The following PACSIN2 variants were observed in gnomAD, a reference collection of about 807,000 sequenced individuals.
PACSIN2 encodes protein kinase C and casein kinase substrate in neurons 2, also known as protein kinase C and casein kinase substrate in neurons protein 2.
A neutral mutation model predicts 63.8 loss-of-function variants in PACSIN2; 25 were observed. That is an observed-to-expected ratio of 0.39 (90% CI 0.29 to 0.55). The LOEUF is 0.55. Ranked by LOEUF, PACSIN2 falls within the 20% of genes least tolerant of loss-of-function variation. The pLI is 0.62. For synonymous variants in PACSIN2, 255 were observed against 256.2 expected (o/e 1.00, Z 0.05); for missense variants, 518 against 646.9 (o/e 0.80, Z 2.16).
chr22:42,969,531 A>G (rs925104835), intron 1 of PACSIN2, among the ~76,000 whole-genome samples: 5 of 152,228 alleles, frequency 3.3e-5, no homozygotes, highest in East Asian at 1.9e-4. Flanking sequence ...TCCCACCTCA[A>G]TAACTCTGGC....
At chr22:42,990,802 G>T (rs905838690) in intron 1 of PACSIN2, among the ~76,000 whole-genome samples, 1 of 150,334 alleles carries the variant, frequency 6.7e-6, no homozygotes, top group Middle Eastern at 3.2e-3. Flanking sequence ...AGAACATGAA[G>T]ATGTGGAAGA....
chr22:42,873,053 G>A (rs568268179), intron 10 of PACSIN2, among the ~76,000 whole-genome samples: 1 of 152,158 alleles, frequency 6.6e-6, no homozygotes, highest in Non-Finnish European at 1.5e-5. Context: ...CGCAAGAGAC[G>A]TAAGTCAAGC....
chr22:43,000,380 G>A (rs906521503), intron 1 of PACSIN2, among the ~76,000 whole-genome samples: 7 of 152,174 alleles, frequency 4.6e-5, no homozygotes, highest in African/African-American at 1.7e-4. Flanking sequence ...AACCCCACGA[G>A]TTCCCAATGG....
At chr22:42,896,945 T>C (rs910317324) in intron 2 of PACSIN2, among the ~76,000 whole-genome samples, 22 of 152,242 alleles carry the variant, frequency 1.4e-4, no homozygotes, top group Admixed American at 1.4e-3. Flanking sequence ...TGTTCCTTTT[T>C]TTTCTTTTTG....
At chr22:43,004,193 T>C (rs963253222) in intron 1 of PACSIN2, among the ~76,000 whole-genome samples, 1 of 152,208 alleles carries the variant, frequency 6.6e-6, no homozygotes, top group Non-Finnish European at 1.5e-5. Flanking sequence ...GGTGACCCTC[T>C]GAAGGCCACT....
At chr22:42,990,624 G>A (rs1334714903) in intron 1 of PACSIN2, among the ~76,000 whole-genome samples, 1 of 152,206 alleles carries the variant, frequency 6.6e-6, no homozygotes, top group Non-Finnish European at 1.5e-5. Context: ...ATTTGCAGTA[G>A]ACAAGATTTG....
intron 1 of PACSIN2, among the ~76,000 whole-genome samples, chr22:43,010,361 G>C (rs2146931048): frequency 7.6e-6 from 1 of 132,252 alleles, no homozygotes; most frequent in South Asian, 2.6e-4. Context: ...AAACATGGCG[G>C]AATCCCATCT....
At chr22:42,997,133 G>A (rs1367778093) in intron 1 of PACSIN2, among the ~76,000 whole-genome samples, 1 of 152,214 alleles carries the variant, frequency 6.6e-6, no homozygotes, top group Admixed American at 6.5e-5. Context: ...ACACCAGGCT[G>A]GGGGTGTTTA....
chr22:42,951,648 C>A (rs1010838898), intron 1 of PACSIN2, among the ~76,000 whole-genome samples: 2 of 152,214 alleles, frequency 1.3e-5, no homozygotes, highest in African/African-American at 4.8e-5. Context: ...CCTCTCATGT[C>A]CACATAACAT....
At position 42,891,500 on chromosome 22, in the gene PACSIN2, A is replaced by C. The variant is rs1172139523; in HGVS notation, c.218-318T>G. Among the ~76,000 whole-genome samples, 3 of 152,130 alleles carry C rather than the reference A, an allele frequency of 2.0e-5. No individual in the cohort carries two copies. In the East Asian group the frequency reaches 5.8e-4, roughly 29 times the overall value. On this transcript the variant is annotated intron_variant, in intron 3 of 10. Transcript: ENST00000263246. Reference sequence around the variant, plus strand: ...ACTGCAAACTCTGTCTCCCAGGTTCAAGAGATTCTCCTGCCTCAGCCTCCC... The same window carrying C: ...ACTGCAAACTCTGTCTCCCAGGTTCCAGAGATTCTCCTGCCTCAGCCTCCC...
intron 3 of PACSIN2, among the ~76,000 whole-genome samples, chr22:42,891,626 G>A (rs956613953): frequency 3.3e-5 from 5 of 152,052 alleles, no homozygotes; most frequent in African/African-American, 7.2e-5. Flanking sequence ...GGCTGATCTC[G>A]AACTCCTGAC....
chr22:42,936,917 A>T (rs4822234), intron 1 of PACSIN2, among the ~76,000 whole-genome samples: 2 of 117,128 alleles, frequency 1.7e-5, no homozygotes, highest in Non-Finnish European at 3.5e-5. Context: ...CCTCAAAAAA[A>T]GGGGGGGGGG....
chr22:42,930,144 C>T (rs1214407089), intron 1 of PACSIN2, among the ~76,000 whole-genome samples: 4 of 152,224 alleles, frequency 2.6e-5, no homozygotes, highest in East Asian at 3.8e-4. Flanking sequence ...ATGCACAAAA[C>T]GAGACAGAGG....
chr22:42,883,178 A>T (rs936935365), intron 6 of PACSIN2, among the ~76,000 whole-genome samples: 1 of 152,162 alleles, frequency 6.6e-6, no homozygotes, highest in African/African-American at 2.4e-5. Flanking sequence ...CACATGCAGA[A>T]GAGCCTGACA....
At chr22:43,010,398 A>ATATATATATATATATTTTTTTTTTTT in intron 1 of PACSIN2, among the ~76,000 whole-genome samples, 1 of 126,396 alleles carries the variant, frequency 7.9e-6, no homozygotes, top group Non-Finnish European at 1.7e-5. Flanking sequence ...ATATATATAT[A>ATATATATATATATATTTTTTTTTTTT]TTTTTTTTTA....
In PACSIN2 at chr22:42,891,297, G is replaced by A. The variant is rs1299511279; in HGVS notation, c.218-115C>T. 6 of 647,440 alleles carry A rather than the reference G, an allele frequency of 9.3e-6. No homozygotes were observed. The African/African-American group carries it at 1.1e-4, about 12-fold the overall frequency. The allele number at this position is 647,440 out of a possible 1,614,324, so 40.1% of individuals were successfully genotyped here. On this transcript the variant is annotated intron_variant, in intron 3 of 10. Coordinates refer to ENST00000263246, the MANE Select transcript of PACSIN2 (RefSeq NM_001184970.3). ...TAGACCACAGAGGGTTTCCTTTCAGGGTTTCAGATATTTTTCTCTCAGGGA... is the reference window on the plus strand; with the variant it reads ...TAGACCACAGAGGGTTTCCTTTCAGAGTTTCAGATATTTTTCTCTCAGGGA...
intron 1 of PACSIN2, among the ~76,000 whole-genome samples, chr22:42,946,329 T>C (rs1218237927): frequency 6.6e-6 from 1 of 152,132 alleles, no homozygotes; most frequent in Non-Finnish European, 1.5e-5. Flanking sequence ...GCCAAAGGAT[T>C]TGTCCCTGGG....
intron 1 of PACSIN2, among the ~76,000 whole-genome samples, chr22:42,967,247 G>A (rs944854561): frequency 6.6e-6 from 1 of 152,134 alleles, no homozygotes; most frequent in Non-Finnish European, 1.5e-5. Flanking sequence ...CTCTGGCTGT[G>A]GCCTCCCCTC....
chr22:42,904,738 G>A (rs1204493847), intron 2 of PACSIN2, among the ~76,000 whole-genome samples: 2 of 152,136 alleles, frequency 1.3e-5, no homozygotes, highest in East Asian at 3.9e-4. Context: ...CTGCACTCCA[G>A]TCTACCTCCA....
Sources: allele counts gnomAD v4.1 joint callset (sites outside exome capture counted in the v4.1 genomes callset), GRCh38; gene constraint gnomAD v4.1.1; transcripts MANE v1.5; gene names NCBI Gene and HGNC (gene_info 2026-07-23, HGNC 2026-07-21).